Variants in ACSS3 observed in about 807,000 individuals in gnomAD.
The protein encoded by ACSS3 is acyl-CoA synthetase short-chain family member 3, mitochondrial.
A neutral mutation model predicts 84.2 loss-of-function variants in ACSS3; 64 were observed. That is an observed-to-expected ratio of 0.76 (90% CI 0.62 to 0.94). The LOEUF is 0.94. Ranked by LOEUF, ACSS3 falls within the 40% of genes least tolerant of loss-of-function variation. The pLI, the probability that ACSS3 is intolerant of heterozygous loss-of-function variation, is 0.00. For missense variants in ACSS3, 815 were observed against 867.6 expected, an observed-to-expected ratio of 0.94 and a Z score of 0.76; for synonymous variants, 317 against 310.1, an observed-to-expected ratio of 1.02 and a Z score of -0.23.
chr12:81,185,773 T>C (rs1437774442), intron 8 of ACSS3, among the ~76,000 whole-genome samples: 3 of 151,718 alleles, frequency 2.0e-5, no homozygotes, highest in African/African-American at 7.2e-5. Flanking sequence ...TATTAAAATA[T>C]CCATACTATC....
intron 11 of ACSS3, among the ~76,000 whole-genome samples, chr12:81,222,336 G>T (rs567790073): frequency 1.3e-5 from 2 of 151,764 alleles, no homozygotes; most frequent in South Asian, 4.2e-4. Flanking sequence ...AGAAATAATC[G>T]GAAAACAAAG....
rs1372255677 is a variant in ACSS3 at position 81,258,573 on chromosome 12, T to C, written c.*3651T>C. 6.6e-6 allele frequency: 1 copy of C among 152,158 alleles called. No homozygotes were observed. Among genetic ancestry groups the C allele is most frequent in the Non-Finnish European group, 1.5e-5 (1 of 68,016 alleles). 9.4% of individuals were successfully genotyped at this position (152,158 alleles called of 1,614,324 possible). A position where few individuals can be genotyped will look rare whatever the true frequency, so the allele number is the denominator to read the frequency against. ...CAGGGAAGAGATTACTCTTCTATAC[T>C]TTTATACACTATATATGTTAATCAT... On this transcript the variant is annotated 3_prime_UTR_variant, in exon 16 of 16. Transcript: ENST00000548058.
At chr12:81,242,693 G>T (rs1175729848) in intron 13 of ACSS3, among the ~76,000 whole-genome samples, 1 of 125,908 alleles carries the variant, frequency 7.9e-6, no homozygotes, top group Admixed American at 8.1e-5. Context: ...GGGATGCAAG[G>T]CTGGTTCAAT....
intron 13 of ACSS3, among the ~76,000 whole-genome samples, chr12:81,249,159 G>T (rs1224879416): frequency 6.6e-6 from 1 of 152,018 alleles, no homozygotes; most frequent in Non-Finnish European, 1.5e-5. Context: ...TTTGATGGAG[G>T]TTAAGGAGTT....
intron 11 of ACSS3, among the ~76,000 whole-genome samples, chr12:81,229,837 C>G (rs145161872): frequency 2.3e-4 from 35 of 151,846 alleles, no homozygotes; most frequent in Admixed American, 1.4e-3. Context: ...AGGATCACTA[C>G]TGGGAGGCTG....
At position 81,078,308 on chromosome 12, in the gene ACSS3, A is replaced by G. The variant is rs1228331846; in HGVS notation, c.188A>G (p.Lys63Arg). ...TCCTCCGGCAGTGGCAGCGAGTACAAGACCCACTTCGCAGCCTCGGTGACC... is the reference window on the plus strand; with the variant it reads ...TCCTCCGGCAGTGGCAGCGAGTACAGGACCCACTTCGCAGCCTCGGTGACC... The part of the protein sequence containing the change: ...ALSSGSGSEY[K>R]THFAASVTDP... Residue 63 changes from lysine to arginine, a missense_variant, in exon 1 of 16, where the codon AAG becomes AGG. Lys to Arg is a conservative substitution (Grantham distance 26, BLOSUM62 2). Transcript: ENST00000548058. 1 of 1,612,134 alleles carries G rather than the reference A, an allele frequency of 6.2e-7. No individual in the cohort carries two copies. The highest frequency in any genetic ancestry group is 8.5e-7 in the Non-Finnish European group (1 of 1,179,932).
At chr12:81,149,179 A>G (rs1886493808) in intron 5 of ACSS3, among the ~76,000 whole-genome samples, 1 of 152,142 alleles carries the variant, frequency 6.6e-6, no homozygotes, top group Non-Finnish European at 1.5e-5. Context: ...AAGCACTGGT[A>G]TTGAGTATTT....
chr12:81,106,371 T>C (rs1028673618), intron 1 of ACSS3, among the ~76,000 whole-genome samples: 1 of 152,184 alleles, frequency 6.6e-6, no homozygotes, highest in African/African-American at 2.4e-5. Context: ...CACCCCAAGA[T>C]GGGACTGTCT....
At chr12:81,146,754 A>G (rs1281393310) in intron 5 of ACSS3, among the ~76,000 whole-genome samples, 1 of 152,166 alleles carries the variant, frequency 6.6e-6, no homozygotes, top group Non-Finnish European at 1.5e-5. Context: ...TCAAAGCACT[A>G]CATGATAAAA....
At chr12:81,089,271 T>G (rs1188823448) in intron 1 of ACSS3, among the ~76,000 whole-genome samples, 1 of 151,660 alleles carries the variant, frequency 6.6e-6, no homozygotes, top group African/African-American at 2.4e-5. Flanking sequence ...TACGTTGATG[T>G]GTACTATTTC....
chr12:81,260,110 G>T lies in ACSS3; in HGVS notation c.*5188G>T, dbSNP rs2034895488. 1 of 152,868 alleles carries T rather than the reference G, an allele frequency of 6.5e-6. No homozygotes were observed. The highest frequency in any genetic ancestry group is 1.5e-5 in the Non-Finnish European group (1 of 68,582). The allele number at this position is 152,868 out of a possible 1,614,324, so 9.5% of individuals were successfully genotyped here. A position where few individuals can be genotyped will look rare whatever the true frequency, so the allele number is the denominator to read the frequency against. On this transcript the variant is annotated 3_prime_UTR_variant, in exon 16 of 16. Transcript: ENST00000548058. ...CCTATTGTAAACGTTTGTGTCAGTA[G>T]TATGGCATTGCTGATTGTTTTCAGC...
intron 3 of ACSS3, among the ~76,000 whole-genome samples, chr12:81,138,175 A>T (rs1203357061): frequency 6.6e-6 from 1 of 152,236 alleles, no homozygotes; most frequent in African/African-American, 2.4e-5. Context: ...ATAATTTATT[A>T]TGTGTCTCTT....
At chr12:81,189,486 T>A (rs1486516501) in intron 8 of ACSS3, among the ~76,000 whole-genome samples, 2 of 152,134 alleles carry the variant, frequency 1.3e-5, no homozygotes, top group Non-Finnish European at 2.9e-5. Flanking sequence ...TTTTAATAAT[T>A]TTTTGGCCAT....
intron 7 of ACSS3, among the ~76,000 whole-genome samples, chr12:81,167,258 G>C (rs1887446383): frequency 6.6e-6 from 1 of 152,036 alleles, no homozygotes; most frequent in South Asian, 2.1e-4. Context: ...TATTCATTGG[G>C]GGTTGGCTTC....
rs1886171585 is a variant in ACSS3 at position 81,143,109 on chromosome 12, G to A, written c.783G>A (p.Glu261=). The A allele has an allele frequency of 2.5e-6, 4 of 1,612,030 alleles. No individual in the cohort carries two copies. Among genetic ancestry groups the A allele is most frequent in the East Asian group, 2.2e-5 (1 of 44,844 alleles). ...ATTCTTATATTTTTGCTGTGTAGGA[G>A]GCGGTTCCTTTGGCTCCCGGTCGTG... ...KILIYNRPNM[E]AVPLAPGRDL... The change falls in exon 5 of 16, where the codon GAG becomes GAA. Residue 261 remains glutamate, a splice_region_variant and synonymous_variant. Transcript: ENST00000548058.
intron 1 of ACSS3, among the ~76,000 whole-genome samples, chr12:81,093,830 T>A (rs1246346027): frequency 6.6e-6 from 1 of 152,112 alleles, no homozygotes; most frequent in Non-Finnish European, 1.5e-5. Flanking sequence ...TGTGTAGATG[T>A]TATGCCTTTA....
intron 9 of ACSS3, among the ~76,000 whole-genome samples, chr12:81,214,172 G>A (rs1245774039): frequency 6.6e-6 from 1 of 151,154 alleles, no homozygotes; most frequent in African/African-American, 2.4e-5. Context: ...ATTGCAGGTG[G>A]GTACCACCAC....
At chr12:81,088,966 G>A (rs1881496482) in intron 1 of ACSS3, among the ~76,000 whole-genome samples, 1 of 151,858 alleles carries the variant, frequency 6.6e-6, no homozygotes, top group African/African-American at 2.4e-5. Flanking sequence ...AAAGGTGGGA[G>A]GAAGGGAGCT....
intron 9 of ACSS3, among the ~76,000 whole-genome samples, chr12:81,206,947 T>G (rs150273141): frequency 0.018 from 2,749 of 152,200 alleles, 38 homozygotes; most frequent in African/African-American, 0.043. Context: ...AGAACATCAT[T>G]TTTTAAAAAA....
Sources: gnomAD v4.1 joint callset for allele counts (sites outside exome capture counted in the v4.1 genomes callset) on GRCh38, gnomAD v4.1.1 for gene constraint, MANE v1.5 for transcripts, NCBI Gene and HGNC (gene_info 2026-07-23, HGNC 2026-07-21) for gene names.